The following KDM4B variants were observed in gnomAD, a reference collection of about 807,000 sequenced individuals.
KDM4B encodes lysine-specific demethylase 4B.
A neutral mutation model predicts 125.2 loss-of-function variants in KDM4B; 32 were observed. The observed-to-expected ratio is 0.26, with a 90% CI of 0.19 to 0.34. The LOEUF (loss-of-function observed/expected upper bound fraction) is 0.34, where lower values mean the gene tolerates loss of function less well. Among genes scored for constraint, KDM4B ranks in the 10% least tolerant of loss-of-function variants. The pLI, the probability that KDM4B is intolerant of heterozygous loss-of-function variation, is 1.00. For synonymous variants in KDM4B, 721 were observed against 677.9 expected, an observed-to-expected ratio of 1.06 and a Z score of -0.99; for missense variants, 1,190 against 1,577.7, an observed-to-expected ratio of 0.75 and a Z score of 4.16.
At chr19:5,127,100 C>T (rs2039462719) in intron 11 of KDM4B, among the ~76,000 whole-genome samples, 2 of 152,172 alleles carry the variant, frequency 1.3e-5, no homozygotes, top group South Asian at 4.1e-4. Flanking sequence ...GTGACACCTT[C>T]CCTCCACCCA....
At chr19:5,126,727 G>A (rs937761892) in intron 11 of KDM4B, among the ~76,000 whole-genome samples, 2 of 152,246 alleles carry the variant, frequency 1.3e-5, no homozygotes, top group Non-Finnish European at 2.9e-5. Context: ...TCCCAGCTGG[G>A]CCTCTGGGAC....
Position 5,070,894 on chromosome 19 carries a change from C to T in KDM4B, c.627-116C>T, listed in dbSNP as rs116056908. The T allele has an allele frequency of 3.8e-3, 3,855 of 1,020,182 alleles. 13 individuals are homozygous for T. The highest frequency in any genetic ancestry group is 4.7e-3 in the Non-Finnish European group (3,181 of 669,996). The allele number at this position is 1,020,182 out of a possible 1,614,324, so 63.2% of individuals were successfully genotyped here. On this transcript the variant is annotated intron_variant, in intron 6 of 22. Transcript: ENST00000159111. ...CTCCACACAGTCCTGACCATGACTC[C>T]ACTTTGCTTCTGCCCTGGGCACTGT...
intron 2 of KDM4B, among the ~76,000 whole-genome samples, chr19:5,031,496 G>A (rs569354182): frequency 6.6e-6 from 1 of 152,374 alleles, no homozygotes; most frequent in East Asian, 1.9e-4. Flanking sequence ...AGGGTGGCGG[G>A]CAGGGCCTCA....
chr19:5,144,739 C>T (rs143296960), intron 20 of KDM4B, 44 bp from the exon 21 acceptor site: 742 of 1,611,912 alleles, frequency 4.6e-4, no homozygotes, highest in Admixed American at 1.2e-3. Context: ...CAGCCCCCAG[C>T]GTAGTGTGGC....
intron 1 of KDM4B, among the ~76,000 whole-genome samples, chr19:4,992,891 T>C (rs1417469203): frequency 6.6e-6 from 1 of 152,250 alleles, no homozygotes; most frequent in Non-Finnish European, 1.5e-5. Context: ...CAAATTACTT[T>C]CTGTTGTTGA....
intron 11 of KDM4B, among the ~76,000 whole-genome samples, chr19:5,124,299 G>A (rs912676730): frequency 3.7e-4 from 56 of 152,166 alleles, no homozygotes; most frequent in Middle Eastern, 3.4e-3. Context: ...AGGCCGGCGC[G>A]GTGGGGGAAA....
At position 5,131,169 on chromosome 19, in the gene KDM4B, C is replaced by A; in HGVS notation, c.1409C>A (p.Pro470His). Residue 470 changes from proline (P) to histidine (H), a missense_variant, in exon 12 of 23, where the codon CCT (proline) becomes CAT (histidine). Around this residue, in one of 7 missense-constraint regions of KDM4B, gnomAD observed 428 missense variants for 405.1 expected, o/e 1.06. Coordinates refer to ENST00000159111, the MANE Select transcript of KDM4B (RefSeq NM_015015.3). The part of the protein sequence containing the change: ...GLLPPQLPPP[P>H]AHFPSEEALW... ...CTGCCCCCACAGCTGCCGCCCCCGC[C>A]TGCTCACTTCCCCTCAGAGGAGGCG... 6.3e-7 allele frequency: 1 copy of A among 1,590,138 alleles called. No homozygotes were observed. Among genetic ancestry groups the A allele is most frequent in the Non-Finnish European group, 8.6e-7 (1 of 1,167,500 alleles).
intron 11 of KDM4B, among the ~76,000 whole-genome samples, chr19:5,127,036 G>A (rs1404368332): frequency 6.6e-6 from 1 of 152,224 alleles, no homozygotes; most frequent in Non-Finnish European, 1.5e-5. Context: ...GCGCTGGGGA[G>A]GAGTGGCCTC....
chr19:5,011,081 C>T lies in KDM4B; in HGVS notation c.-108-5176C>T, dbSNP rs181546344. On this transcript the variant is annotated intron_variant, in intron 1 of 22. Coordinates refer to ENST00000159111, the MANE Select transcript of KDM4B (RefSeq NM_015015.3). ...CTCGTTTTGGCCATCAGGAGCCCCTCGCATGTCCTTTCTGCCCGCTCCCAT... is the reference window on the plus strand; with the variant it reads ...CTCGTTTTGGCCATCAGGAGCCCCTTGCATGTCCTTTCTGCCCGCTCCCAT... 2.0e-5 allele frequency among the ~76,000 whole-genome samples: 3 copies of T among 152,286 alleles called. No homozygotes were observed. In the East Asian group the frequency reaches 5.8e-4, roughly 29 times the overall value.
intron 1 of KDM4B, among the ~76,000 whole-genome samples, chr19:4,984,936 C>G (rs1430108979): frequency 6.6e-6 from 1 of 152,134 alleles, no homozygotes; most frequent in Non-Finnish European, 1.5e-5. Flanking sequence ...GGGCTGCAGC[C>G]TTCGGGATCT....
chr19:5,015,796 G>A (rs1176636152), intron 1 of KDM4B, among the ~76,000 whole-genome samples: 2 of 152,202 alleles, frequency 1.3e-5, no homozygotes, highest in Admixed American at 6.5e-5. Context: ...TAAGTTCAAC[G>A]CCTGGGCTGT....
At chr19:4,978,075 A>G (rs1170934881) in intron 1 of KDM4B, among the ~76,000 whole-genome samples, 1 of 152,094 alleles carries the variant, frequency 6.6e-6, no homozygotes, top group Non-Finnish European at 1.5e-5. Context: ...CTCAGGAGAG[A>G]GAGAAGATTG....
At chr19:5,147,789 G>C (rs1047404128) in intron 21 of KDM4B, among the ~76,000 whole-genome samples, 3 of 152,126 alleles carry the variant, frequency 2.0e-5, no homozygotes, top group Admixed American at 6.5e-5. Context: ...GCTCGGGGCG[G>C]GGGGGCAGAG....
At position 5,131,382 on chromosome 19, in the gene KDM4B, A is replaced by T; in HGVS notation, c.1622A>T (p.Asn541Ile). Residue 541 changes from asparagine (N) to isoleucine (I), a missense_variant, in exon 12 of 23, where the codon AAC (asparagine) becomes ATC (isoleucine). Asn to Ile is a moderately radical substitution (Grantham distance 149, BLOSUM62 -3). Around this residue, in one of 7 missense-constraint regions of KDM4B, gnomAD observed 428 missense variants for 405.1 expected, o/e 1.06. Coordinates refer to ENST00000159111, the MANE Select transcript of KDM4B (RefSeq NM_015015.3). ...CCGCGGCCGGGCAAGGCAGCCTTCA[A>T]CCAGGAGCACGTGTCCTGCCAGCAG... is the stretch of plus-strand genomic sequence containing the variant. ...VVPRPGKAAF[N>I]QEHVSCQQAF... The T allele has an allele frequency of 6.2e-7, 1 of 1,611,652 alleles. No individual in the cohort carries two copies. The highest frequency in any genetic ancestry group is 1.3e-5 in the African/African-American group (1 of 74,686).
At chr19:5,027,182 C>T (rs939108913) in intron 2 of KDM4B, among the ~76,000 whole-genome samples, 2 of 152,226 alleles carry the variant, frequency 1.3e-5, no homozygotes, top group Non-Finnish European at 2.9e-5. Context: ...AGGCAGAAGC[C>T]GGTACGGTTG....
rs759615632 is a variant in KDM4B, at chr19:5,134,040, G to T, written c.2064G>T (p.Thr688=). The T allele has an allele frequency of 6.2e-7, 1 of 1,604,222 alleles. No individual in the cohort carries two copies. Among genetic ancestry groups the T allele is most frequent in the South Asian group, 1.1e-5 (1 of 90,816 alleles). Residue 688 remains threonine (T), a synonymous_variant, in exon 14 of 23, where the codon ACG becomes ACT. Transcript: ENST00000159111. ...CGGAGCCCTACTGCGCCATCTGCACGCTCTTCTACCCCTACTGCCAGGTGG... is the reference window on the plus strand; with the variant it reads ...CGGAGCCCTACTGCGCCATCTGCACTCTCTTCTACCCCTACTGCCAGGTGG... ...ARTEPYCAIC[T]LFYPYCQALQ... is the part of the protein sequence containing the mutation.
chr19:5,015,789 G>T (rs2035874235), intron 1 of KDM4B, among the ~76,000 whole-genome samples: 1 of 152,256 alleles, frequency 6.6e-6, no homozygotes, highest in Non-Finnish European at 1.5e-5. Context: ...CCAGGACTAA[G>T]TTCAACGCCT....
chr19:5,059,904 G>C (rs1032686455), intron 6 of KDM4B, among the ~76,000 whole-genome samples: 1 of 152,202 alleles, frequency 6.6e-6, no homozygotes, highest in Non-Finnish European at 1.5e-5. Context: ...CTGCCTCTCC[G>C]GGATGCCTGC....
chr19:5,128,094 T>C (rs1205888372), intron 11 of KDM4B, among the ~76,000 whole-genome samples: 1 of 148,966 alleles, frequency 6.7e-6, no homozygotes, highest in African/African-American at 2.5e-5. Context: ...GTCTCCTGTG[T>C]GCGGAGCTAC....
Sources: gnomAD v4.1 joint callset for allele counts (sites outside exome capture counted in the v4.1 genomes callset) on GRCh38, gnomAD v4.1.1 for gene constraint, gnomAD v4.1.1 regional missense constraint, MANE v1.5 for transcripts, NCBI Gene and HGNC (gene_info 2026-07-23, HGNC 2026-07-21) for gene names.